Variants in CHN1 observed in about 807,000 individuals in gnomAD.
CHN1 encodes the protein chimerin 1, also known as N-chimaerin.
A neutral mutation model predicts 59.5 loss-of-function variants in CHN1; 37 were observed. The ratio of observed to expected loss-of-function variants is 0.62; its 90% confidence interval spans 0.48 to 0.82. CHN1 has a LOEUF of 0.82. CHN1 is among the 40% of genes least tolerant of loss of function. The pLI is 0.00. For synonymous variants in CHN1, 206 were observed against 200.4 expected (o/e 1.03, Z -0.24); for missense variants, 469 against 571.0 (o/e 0.82, Z 1.82).
chr2:174,872,470 A>C (rs932676295), intron 6 of CHN1, among the ~76,000 whole-genome samples: 6 of 152,218 alleles, frequency 3.9e-5, no homozygotes, highest in Non-Finnish European at 7.3e-5. Context: ...TAGAAGCAGA[A>C]AGCTTGACTT....
intron 8 of CHN1, among the ~76,000 whole-genome samples, chr2:174,814,070 T>C (rs1685163035): frequency 6.6e-6 from 1 of 152,164 alleles, no homozygotes; most frequent in Non-Finnish European, 1.5e-5. Flanking sequence ...GTGTAGACAC[T>C]GCCAACTTGA....
chr2:174,939,914 G>A (rs1186195285), intron 3 of CHN1, among the ~76,000 whole-genome samples: 1 of 152,056 alleles, frequency 6.6e-6, no homozygotes. Context: ...GGTTCTCTTT[G>A]TTAACTAATT....
intron 1 of CHN1, among the ~76,000 whole-genome samples, chr2:174,985,470 C>T (rs1457841510): frequency 3.3e-5 from 5 of 152,032 alleles, no homozygotes; most frequent in African/African-American, 4.8e-5. Flanking sequence ...ACTACATCAT[C>T]TTGTTTTTAA....
intron 5 of CHN1, among the ~76,000 whole-genome samples, chr2:174,896,911 C>A (rs182963975): frequency 2.8e-4 from 43 of 152,106 alleles, no homozygotes; most frequent in African/African-American, 8.9e-4. Context: ...ATATAAATTA[C>A]CTTTTTACCT....
chr2:174,859,205 C>T (rs1686997159), intron 6 of CHN1, among the ~76,000 whole-genome samples: 9 of 152,112 alleles, frequency 5.9e-5, no homozygotes, highest in Admixed American at 5.9e-4. Flanking sequence ...GCTCTCCAAG[C>T]TCCTCAGAAT....
chr2:174,999,079 T>A (rs559119166), intron 1 of CHN1, among the ~76,000 whole-genome samples: 1 of 152,286 alleles, frequency 6.6e-6, no homozygotes, highest in African/African-American at 2.4e-5. Context: ...CTATTCAATA[T>A]GACTTTTCAA....
chr2:174,824,605 C>A, intron 7 of CHN1, 87 bp from the exon 8 acceptor site: 1 of 657,688 alleles, frequency 1.5e-6, no homozygotes, highest in Non-Finnish European at 2.6e-6. Flanking sequence ...AATATACAAG[C>A]CACATATTCT....
chr2:174,802,680 T>A (rs1341967524), intron 11 of CHN1, among the ~76,000 whole-genome samples: 1 of 152,212 alleles, frequency 6.6e-6, no homozygotes, highest in Non-Finnish European at 1.5e-5. Context: ...AATTCTGCGA[T>A]CTCAAAAAAG....
chr2:174,810,099 A>C (rs1379925908), intron 10 of CHN1, among the ~76,000 whole-genome samples: 1 of 152,224 alleles, frequency 6.6e-6, no homozygotes, highest in African/African-American at 2.4e-5. Flanking sequence ...TATGCCTCTC[A>C]GAAGTGATCA....
chr2:174,929,249 A>C (rs969394570), intron 3 of CHN1, among the ~76,000 whole-genome samples: 3 of 152,204 alleles, frequency 2.0e-5, no homozygotes, highest in Admixed American at 1.3e-4. Flanking sequence ...GAATATTTAC[A>C]AAGTTGTTTT....
chr2:174,825,439 G>A (rs762901183), intron 7 of CHN1, among the ~76,000 whole-genome samples: 13 of 152,144 alleles, frequency 8.5e-5, no homozygotes, highest in Non-Finnish European at 1.6e-4. Context: ...AACCATTCCA[G>A]CTCATAAAGG....
At chr2:174,881,364 G>C (rs537213129) in intron 5 of CHN1, among the ~76,000 whole-genome samples, 1 of 152,212 alleles carries the variant, frequency 6.6e-6, no homozygotes, top group South Asian at 2.1e-4. Context: ...GAAAACCTTA[G>C]GCTTTGGCAT....
At chr2:174,919,013 C>T (rs1348014512) in intron 3 of CHN1, among the ~76,000 whole-genome samples, 1 of 152,084 alleles carries the variant, frequency 6.6e-6, no homozygotes, top group Non-Finnish European at 1.5e-5. Context: ...ATCATCTCTT[C>T]CCTCACCACA....
intron 1 of CHN1, among the ~76,000 whole-genome samples, chr2:174,968,030 C>T (rs1477844039): frequency 6.6e-6 from 1 of 152,176 alleles, no homozygotes; most frequent in African/African-American, 2.4e-5. Flanking sequence ...TATCATTTTG[C>T]CAGCAGGCAT....
chr2:174,799,258 CAGTTT>C lies in CHN1; in HGVS notation c.*853_*857del. The C allele has an allele frequency of 3.7e-6, 1 of 273,848 alleles. No homozygotes were observed. Among genetic ancestry groups the C allele is most frequent in the East Asian group, 7.4e-5 (1 of 13,424 alleles). 17.0% of individuals were successfully genotyped at this position (273,848 alleles called of 1,614,324 possible). On this transcript the variant is annotated 3_prime_UTR_variant, in exon 13 of 13. Transcript: ENST00000409900. ...AATTAATGGTTGTTCTAACTGTAAG[CAGTTT>C]TAAATGATTATTTTAGAAGCTTATC...
At chr2:174,996,770 C>T (rs1044271427) in intron 1 of CHN1, among the ~76,000 whole-genome samples, 45 of 152,198 alleles carry the variant, frequency 3.0e-4, no homozygotes, top group African/African-American at 1.1e-3. Context: ...CTCCTCAACT[C>T]CTCCAGCTTT....
intron 5 of CHN1, among the ~76,000 whole-genome samples, chr2:174,892,673 A>G (rs1233877077): frequency 5.3e-5 from 8 of 152,244 alleles, no homozygotes; most frequent in Non-Finnish European, 1.0e-4. Context: ...AGAAAACTAT[A>G]GACCAATATC....
At chr2:174,904,529 C>T (rs1688485646) in intron 5 of CHN1, among the ~76,000 whole-genome samples, 1 of 151,914 alleles carries the variant, frequency 6.6e-6, no homozygotes, top group Non-Finnish European at 1.5e-5. Context: ...GCTGGGATTA[C>T]AGGCATGCAC....
chr2:174,923,115 C>T (rs994547983), intron 3 of CHN1, among the ~76,000 whole-genome samples: 1 of 152,004 alleles, frequency 6.6e-6, no homozygotes, highest in African/African-American at 2.4e-5. Flanking sequence ...AATTATATAC[C>T]TAATATCGCC....
Sources: gnomAD v4.1 joint callset for allele counts (sites outside exome capture counted in the v4.1 genomes callset) on GRCh38, gnomAD v4.1.1 for gene constraint, MANE v1.5 for transcripts, NCBI Gene and HGNC (gene_info 2026-07-23, HGNC 2026-07-21) for gene names.